PPP1R17: variants seen among roughly 807,000 people sequenced by gnomAD.
The protein encoded by PPP1R17 is protein phosphatase 1 regulatory subunit 17.
Under a neutral mutation model 15.9 loss-of-function variants are expected in PPP1R17, and 12 were observed. That is an observed-to-expected ratio of 0.75 (90% CI 0.48 to 1.22). The LOEUF (loss-of-function observed/expected upper bound fraction) is 1.22. PPP1R17 is among the 50% of genes most tolerant of loss of function. PPP1R17 has a pLI of 0.00. For missense variants in PPP1R17, 211 were observed against 187.3 expected (o/e 1.13, Z -0.74); for synonymous variants, 63 against 64.5 (o/e 0.98, Z 0.11).
chr7:31,694,788 C>T (rs954176974), intron 2 of PPP1R17, among the ~76,000 whole-genome samples: 20 of 152,058 alleles, frequency 1.3e-4, no homozygotes, highest in African/African-American at 1.9e-4. Context: ...ATTCATTACC[C>T]GTAACGACTT....
chr7:31,701,647 G>C (rs1230573625), intron 4 of PPP1R17, among the ~76,000 whole-genome samples: 3 of 152,170 alleles, frequency 2.0e-5, no homozygotes, highest in Non-Finnish European at 2.9e-5. Context: ...ATTGTTAAAG[G>C]AAGAGTCCAT....
At chr7:31,694,810 G>C (rs1792506153) in intron 2 of PPP1R17, among the ~76,000 whole-genome samples, 1 of 152,128 alleles carries the variant, frequency 6.6e-6, no homozygotes, top group South Asian at 2.1e-4. Context: ...TGATAGACTC[G>C]ATGTAAAAGC....
At position 31,697,598 on chromosome 7, in the gene PPP1R17, C is replaced by T. The variant is rs554353034; in HGVS notation, c.388+481C>T. Among the ~76,000 whole-genome samples, 4 of 152,216 alleles carry T rather than the reference C, an allele frequency of 2.6e-5. 1 individual carries two copies. The highest frequency in any genetic ancestry group is 9.6e-5 in the African/African-American group (4 of 41,496). ...TCATACTGAACTATGAGCACAGCCCCAGTCTGTAAAGGAGCTGCTCTGTGA... is the reference window on the plus strand; with the variant it reads ...TCATACTGAACTATGAGCACAGCCCTAGTCTGTAAAGGAGCTGCTCTGTGA... On this transcript the variant is annotated intron_variant, in intron 4 of 4. Transcript: ENST00000342032.
chr7:31,697,359 T>C (rs1057514164), intron 4 of PPP1R17, among the ~76,000 whole-genome samples: 5 of 152,130 alleles, frequency 3.3e-5, no homozygotes, highest in African/African-American at 9.7e-5. Context: ...GCAGAGCTGG[T>C]TGAATTCACT....
intron 1 of PPP1R17, among the ~76,000 whole-genome samples, chr7:31,690,555 G>C (rs1792299806): frequency 6.6e-6 from 1 of 152,218 alleles, no homozygotes; most frequent in Admixed American, 6.5e-5. Flanking sequence ...ACATCTTTAA[G>C]ATTTAGCAAC....
intron 4 of PPP1R17, among the ~76,000 whole-genome samples, chr7:31,704,302 G>A (rs777766177): frequency 5.9e-5 from 9 of 152,150 alleles, no homozygotes; most frequent in Admixed American, 1.3e-4. Context: ...CCCTGAGACC[G>A]CAATGTAATG....
At chr7:31,699,318 G>A (rs923467290) in intron 4 of PPP1R17, among the ~76,000 whole-genome samples, 1 of 152,144 alleles carries the variant, frequency 6.6e-6, no homozygotes, top group South Asian at 2.1e-4. Context: ...GACATGAAGG[G>A]TAATGCTGTT....
rs1000666797 is a variant in PPP1R17 at position 31,697,193 on chromosome 7, G to C, written c.388+76G>C. On this transcript the variant is annotated intron_variant, in intron 4 of 4. Transcript: ENST00000342032. ...GAACCTTACCATCTGGAGGTCCCCAGGGCCTGGCCGTTGTCCTGCCCCAGC... is the reference window on the plus strand; with the variant it reads ...GAACCTTACCATCTGGAGGTCCCCACGGCCTGGCCGTTGTCCTGCCCCAGC... 2.6e-6 allele frequency: 4 copies of C among 1,543,770 alleles called. No individual in the cohort carries two copies. In the African/African-American group the frequency reaches 5.5e-5, roughly 21 times the overall value.
chr7:31,690,570 T>C (rs938348081), intron 1 of PPP1R17, among the ~76,000 whole-genome samples: 1 of 152,230 alleles, frequency 6.6e-6, no homozygotes, highest in Admixed American at 6.5e-5. Flanking sequence ...AGCAACTTCA[T>C]CGAAGTCATA....
At chr7:31,692,796 A>T (rs903603849) in intron 2 of PPP1R17, among the ~76,000 whole-genome samples, 2 of 152,224 alleles carry the variant, frequency 1.3e-5, no homozygotes, top group African/African-American at 4.8e-5. Flanking sequence ...TCTGGGTCTG[A>T]CAGAGTCCCA....
intron 4 of PPP1R17, among the ~76,000 whole-genome samples, chr7:31,698,139 C>T (rs1436217101): frequency 1.3e-5 from 2 of 152,172 alleles, no homozygotes. Flanking sequence ...AGAAGAAACA[C>T]TCTGGGGAGA....
chr7:31,702,147 A>G (rs1792874672), intron 4 of PPP1R17, among the ~76,000 whole-genome samples: 1 of 151,906 alleles, frequency 6.6e-6, no homozygotes, highest in African/African-American at 2.4e-5. Flanking sequence ...TTATGCTATG[A>G]TATGGGAAAT....
At position 31,708,026 on chromosome 7, in the gene PPP1R17, T is replaced by C. The variant is rs961056631; in HGVS notation, c.*743T>C. The C allele has an allele frequency of 2.0e-5, 3 of 152,252 alleles. No individual in the cohort carries two copies. The highest frequency in any genetic ancestry group is 7.2e-5 in the African/African-American group (3 of 41,468). 9.4% of individuals were successfully genotyped at this position (152,252 alleles called of 1,614,324 possible). ...GTGAGTTGTGTCACAAGTGAGTCATTATCAATGGTAGATAAAATATCAATG... is the reference window on the plus strand; with the variant it reads ...GTGAGTTGTGTCACAAGTGAGTCATCATCAATGGTAGATAAAATATCAATG... On this transcript the variant is annotated 3_prime_UTR_variant, in exon 5 of 5. Coordinates refer to ENST00000342032, the MANE Select transcript of PPP1R17 (RefSeq NM_006658.5).
chr7:31,702,907 T>C (rs545147439), intron 4 of PPP1R17, among the ~76,000 whole-genome samples: 27 of 152,178 alleles, frequency 1.8e-4, no homozygotes, highest in Non-Finnish European at 3.4e-4. Flanking sequence ...AGGAGAAGAC[T>C]TGGTAGAAAA....
chr7:31,688,417 G>A (rs757719249), intron 1 of PPP1R17, among the ~76,000 whole-genome samples: 4 of 152,158 alleles, frequency 2.6e-5, no homozygotes, highest in Non-Finnish European at 4.4e-5. Flanking sequence ...TGAGAAAACC[G>A]CTCAATGATA....
At chr7:31,701,831 C>G (rs1792860252) in intron 4 of PPP1R17, among the ~76,000 whole-genome samples, 1 of 152,198 alleles carries the variant, frequency 6.6e-6, no homozygotes, top group Admixed American at 6.5e-5. Context: ...TTAAATTAAG[C>G]TATGCTCATT....
chr7:31,697,083 C>T lies in PPP1R17; in HGVS notation c.354C>T (p.Asp118=). The change falls in exon 4 of 5, where the codon GAC becomes GAT. Residue 118 remains aspartate, a synonymous_variant. Transcript: ENST00000342032. The part of the protein sequence containing the change: ...DLEQKKPRRK[D]TPALHMSPFA... ...AACAGAAAAAGCCAAGGAGAAAAGA[C>T]ACACCTGCCCTGCACATGTCCCCCT... 1 of 1,614,096 alleles carries T rather than the reference C, an allele frequency of 6.2e-7. No homozygotes were observed. The highest frequency in any genetic ancestry group is 8.5e-7 in the Non-Finnish European group (1 of 1,179,982).
intron 2 of PPP1R17, among the ~76,000 whole-genome samples, chr7:31,694,720 T>C (rs1456810833): frequency 6.6e-6 from 1 of 151,798 alleles, no homozygotes; most frequent in East Asian, 1.9e-4. Flanking sequence ...ACACAAAGGA[T>C]AGAGGAGTAA....
chr7:31,700,171 G>C (rs59236325), intron 4 of PPP1R17, among the ~76,000 whole-genome samples: 2,903 of 152,254 alleles, frequency 0.019, 110 homozygotes, highest in African/African-American at 0.065. Context: ...TTGTACCAAC[G>C]AGTTAGCCAA....
Sources: gnomAD v4.1 joint callset for allele counts (sites outside exome capture counted in the v4.1 genomes callset) on GRCh38, gnomAD v4.1.1 for gene constraint, MANE v1.5 for transcripts, NCBI Gene and HGNC (gene_info 2026-07-23, HGNC 2026-07-21) for gene names.